Variants in GRIN2B observed in about 807,000 individuals in gnomAD.
GRIN2B encodes glutamate ionotropic receptor NMDA type subunit 2B.
In GRIN2B, 5 loss-of-function variants were observed where a neutral mutation model predicts 114.5. That is an observed-to-expected ratio of 0.04 (90% CI 0.02 to 0.09). GRIN2B has a LOEUF of 0.09. GRIN2B is among the 10% of genes least tolerant of loss of function. The pLI is 1.00. For synonymous variants in GRIN2B, 787 were observed against 745.1 expected, an observed-to-expected ratio of 1.06 and a Z score of -0.92; for missense variants, 1,108 against 1,943.5, an observed-to-expected ratio of 0.57 and a Z score of 8.08.
intron 5 of GRIN2B, among the ~76,000 whole-genome samples, chr12:13,631,313 T>A (rs1949613879): frequency 6.6e-6 from 1 of 152,198 alleles, no homozygotes; most frequent in African/African-American, 2.4e-5. Flanking sequence ...GGCCAAGCCC[T>A]GTCTGTGACT....
Position 13,555,276 on chromosome 12 carries a change from T to C in GRIN2B, c.*7507A>G, listed in dbSNP as rs1014663883. 6 of 152,178 alleles carry C rather than the reference T, an allele frequency of 3.9e-5. No individual in the cohort carries two copies. The highest frequency in any genetic ancestry group is 1.2e-4 in the African/African-American group (5 of 41,434). The allele number at this position is 152,178 out of a possible 1,614,324, so 9.4% of individuals were successfully genotyped here. ...CAGGGTAAGTAAAGAAAAAAGGCTA[T>C]TGACTTTTGTAACAAGAACTTCATT... On this transcript the variant is annotated 3_prime_UTR_variant, in exon 14 of 14. Transcript: ENST00000609686.
At chr12:13,739,576 C>A (rs1863245933) in intron 4 of GRIN2B, among the ~76,000 whole-genome samples, 1 of 151,976 alleles carries the variant, frequency 6.6e-6, no homozygotes, top group Admixed American at 6.6e-5. Context: ...ATGGTGAATA[C>A]CTGGGCTGTT....
chr12:13,646,016 C>T (rs1949758555), intron 5 of GRIN2B, among the ~76,000 whole-genome samples: 1 of 152,098 alleles, frequency 6.6e-6, no homozygotes, highest in African/African-American at 2.4e-5. Flanking sequence ...TCTAGTCAGT[C>T]ACCTTGGACA....
At chr12:13,793,584 C>G (rs573751945) in intron 3 of GRIN2B, among the ~76,000 whole-genome samples, 2 of 152,188 alleles carry the variant, frequency 1.3e-5, no homozygotes, top group East Asian at 3.9e-4. Context: ...CTGTTTTTCT[C>G]CTACTTTTCT....
intron 3 of GRIN2B, among the ~76,000 whole-genome samples, chr12:13,816,988 T>C (rs1009511295): frequency 6.6e-6 from 1 of 152,200 alleles, no homozygotes; most frequent in African/African-American, 2.4e-5. Flanking sequence ...TTTTCTTTTG[T>C]CTGCCTGGAT....
rs1948291446 is a variant in GRIN2B at position 13,542,527 on chromosome 12, T to C, written c.*20256A>G. The C allele has an allele frequency of 6.6e-6, 1 of 152,186 alleles. No homozygotes were observed. The highest frequency in any genetic ancestry group is 6.5e-5 in the Admixed American group (1 of 15,282). 9.4% of individuals were successfully genotyped at this position (152,186 alleles called of 1,614,324 possible). A position where few individuals can be genotyped will look rare whatever the true frequency, so the allele number is the denominator to read the frequency against. ...CTGAGGAAGAGGTACCAGAGTTCCA[T>C]GTGCTGCCATCAAGTCCCTGCCCCG... On this transcript the variant is annotated 3_prime_UTR_variant, in exon 14 of 14. Coordinates refer to ENST00000609686, the MANE Select transcript of GRIN2B (RefSeq NM_000834.5).
Position 13,562,542 on chromosome 12 carries a change from G to T in GRIN2B, c.*241C>A. ...GAGAGGGCCCATGGCATCATCTCAT[G>T]GGAACAGGAATGGCTGACAGCGGGG... On this transcript the variant is annotated 3_prime_UTR_variant, in exon 14 of 14. Coordinates refer to ENST00000609686, the MANE Select transcript of GRIN2B (RefSeq NM_000834.5). The T allele has an allele frequency of 1.8e-6, 1 of 545,036 alleles. No homozygotes were observed. 33.8% of individuals were successfully genotyped at this position (545,036 alleles called of 1,614,324 possible).
chr12:13,629,507 C>T (rs921062002), intron 5 of GRIN2B, among the ~76,000 whole-genome samples: 6 of 152,146 alleles, frequency 3.9e-5, no homozygotes, highest in African/African-American at 1.4e-4. Context: ...CTGACTGCAT[C>T]CTTACCCTTC....
At chr12:13,798,831 G>A (rs1217155065) in intron 3 of GRIN2B, among the ~76,000 whole-genome samples, 5 of 152,150 alleles carry the variant, frequency 3.3e-5, no homozygotes, top group Non-Finnish European at 5.9e-5. Flanking sequence ...TCCTCATGAC[G>A]ATCTCTGTTC....
intron 5 of GRIN2B, among the ~76,000 whole-genome samples, chr12:13,636,489 A>G (rs1949666680): frequency 6.6e-6 from 1 of 152,228 alleles, no homozygotes; most frequent in Non-Finnish European, 1.5e-5. Flanking sequence ...GATGCAAAAG[A>G]CAAGGGAACA....
intron 2 of GRIN2B, among the ~76,000 whole-genome samples, chr12:13,960,555 C>G (rs970633454): frequency 2.0e-5 from 3 of 151,986 alleles, no homozygotes; most frequent in Non-Finnish European, 4.4e-5. Flanking sequence ...ATGGAGGAGA[C>G]CCCAAAGCAT....
At chr12:13,634,475 A>T (rs1350393853) in intron 5 of GRIN2B, among the ~76,000 whole-genome samples, 1 of 152,192 alleles carries the variant, frequency 6.6e-6, no homozygotes, top group Non-Finnish European at 1.5e-5. Context: ...CATCTTCAAC[A>T]GGAGTCTTCC....
intron 3 of GRIN2B, among the ~76,000 whole-genome samples, chr12:13,814,261 C>T (rs1864780343): frequency 1.3e-5 from 2 of 152,146 alleles, no homozygotes; most frequent in Admixed American, 6.5e-5. Flanking sequence ...TCAGTATGCA[C>T]TAATTCTCAG....
intron 4 of GRIN2B, among the ~76,000 whole-genome samples, chr12:13,691,765 T>C (rs771266918): frequency 2.0e-5 from 3 of 152,072 alleles, no homozygotes; most frequent in Non-Finnish European, 4.4e-5. Context: ...TGAAACAGCA[T>C]GCAGCATGCT....
At chr12:13,900,378 G>A (rs1486048830) in intron 2 of GRIN2B, among the ~76,000 whole-genome samples, 1 of 151,908 alleles carries the variant, frequency 6.6e-6, no homozygotes, top group African/African-American at 2.4e-5. Flanking sequence ...AGGAGGCCAA[G>A]GCAGGAGAAT....
chr12:13,953,349 C>G (rs1867527487), intron 2 of GRIN2B, among the ~76,000 whole-genome samples: 2 of 152,260 alleles, frequency 1.3e-5, no homozygotes, highest in East Asian at 3.9e-4. Context: ...ACCCTCCACA[C>G]CATGATGTGC....
intron 3 of GRIN2B, among the ~76,000 whole-genome samples, chr12:13,849,146 G>C (rs1281203710): frequency 6.6e-6 from 1 of 152,128 alleles, no homozygotes; most frequent in East Asian, 1.9e-4. Context: ...CAGATGTGCT[G>C]GTTAGATGTC....
At chr12:13,912,113 C>T (rs2136800713) in intron 2 of GRIN2B, among the ~76,000 whole-genome samples, 1 of 152,198 alleles carries the variant, frequency 6.6e-6, no homozygotes, top group South Asian at 2.1e-4. Flanking sequence ...CTGCTGTAGA[C>T]GGTTCCTTAG....
chr12:13,860,973 C>G (rs967558982), intron 3 of GRIN2B, among the ~76,000 whole-genome samples: 1 of 152,206 alleles, frequency 6.6e-6, no homozygotes, highest in Non-Finnish European at 1.5e-5. Flanking sequence ...TATCACTACT[C>G]CTTATTTCCC....
Sources: allele counts gnomAD v4.1 joint callset (sites outside exome capture counted in the v4.1 genomes callset), GRCh38; gene constraint gnomAD v4.1.1; transcripts MANE v1.5; gene names NCBI Gene and HGNC (gene_info 2026-07-23, HGNC 2026-07-21).